Variants in DNAH11 observed in about 807,000 individuals in gnomAD.
The protein encoded by DNAH11 is dynein axonemal heavy chain 11.
A neutral mutation model predicts 526.0 loss-of-function variants in DNAH11; 442 were observed. The ratio of observed to expected loss-of-function variants is 0.84; its 90% CI spans 0.78 to 0.91. DNAH11 has a LOEUF of 0.91. Ranked by LOEUF, DNAH11 falls within the 40% of genes least tolerant of loss-of-function variation. DNAH11 has a pLI of 0.00. For missense variants in DNAH11, 6,989 were observed against 5,448.7 expected (o/e 1.28, Z -8.90); for synonymous variants, 2,461 against 1,935.9 (o/e 1.27, Z -7.12).
Position 21,704,623 on chromosome 7 carries a change from C to T in DNAH11, c.6463C>T (p.Leu2155Phe), listed in dbSNP as rs1784195701. The T allele has an allele frequency of 1.9e-6, 3 of 1,591,128 alleles. No individual in the cohort carries two copies. The highest frequency in any genetic ancestry group is 1.7e-4 in the Middle Eastern group (1 of 5,944). The change falls in exon 38 of 82, where the codon CTC (leucine) becomes TTC (phenylalanine). Residue 2155 changes from leucine to phenylalanine, a missense_variant. Physicochemically the swap from Leu to Phe is conservative, Grantham distance 22. Transcript: ENST00000409508. ...LRLQPEESFI[L>F]KVVQLEELLA... ...CCTGCAGCCTGAAGAGAGCTTCATC[C>T]TCAAAGTAAAAGGAGCATTTGCTTT...
chr7:21,871,922 A>G (rs980473144), intron 73 of DNAH11, among the ~76,000 whole-genome samples: 2 of 151,852 alleles, frequency 1.3e-5, no homozygotes, highest in South Asian at 4.2e-4. Flanking sequence ...GGAGATCGAG[A>G]CCATCCTGGC....
chr7:21,821,512 A>G (rs940297135), intron 65 of DNAH11, among the ~76,000 whole-genome samples: 8 of 152,098 alleles, frequency 5.3e-5, no homozygotes, highest in African/African-American at 1.9e-4. Context: ...TGCATACCTT[A>G]TCGCTATATG....
At chr7:21,554,170 ATTTTT>A (rs746086141) in intron 2 of DNAH11, among the ~76,000 whole-genome samples, 57 of 110,352 alleles carry the variant, frequency 5.2e-4, no homozygotes, top group African/African-American at 1.8e-3. Context: ...GTTCTCTGGG[ATTTTT>A]TTTTTTTTTT....
chr7:21,737,044 G>A (rs1043590572), intron 46 of DNAH11, among the ~76,000 whole-genome samples: 5 of 152,150 alleles, frequency 3.3e-5, no homozygotes, highest in Admixed American at 2.6e-4. Context: ...GCATGAATAC[G>A]ATTTAGAGAT....
chr7:21,809,920 A>T (rs1789435158), intron 63 of DNAH11, among the ~76,000 whole-genome samples: 1 of 152,144 alleles, frequency 6.6e-6, no homozygotes, highest in Admixed American at 6.5e-5. Context: ...TATTTTAGTG[A>T]TGGTTTCAAC....
intron 61 of DNAH11, among the ~76,000 whole-genome samples, chr7:21,798,853 T>C (rs1283634669): frequency 6.6e-6 from 1 of 152,034 alleles, no homozygotes; most frequent in Non-Finnish European, 1.5e-5. Flanking sequence ...TAATTATTTT[T>C]GTTTTGTTAA....
intron 30 of DNAH11, among the ~76,000 whole-genome samples, chr7:21,675,658 C>T (rs1782845770): frequency 6.6e-6 from 1 of 152,222 alleles, no homozygotes; most frequent in South Asian, 2.1e-4. Context: ...TTGTTGCTGT[C>T]GTTCGTTTGT....
At chr7:21,695,683 C>T (rs12670799) in intron 35 of DNAH11, among the ~76,000 whole-genome samples, 14,876 of 152,232 alleles carry the variant, frequency 0.098, 826 homozygotes, top group East Asian at 0.2. Context: ...TAGGCATGGA[C>T]AAAGACTTCA....
At chr7:21,587,677 A>T (rs1293226439) in intron 9 of DNAH11, among the ~76,000 whole-genome samples, 1 of 152,142 alleles carries the variant, frequency 6.6e-6, no homozygotes, top group Non-Finnish European at 1.5e-5. Flanking sequence ...GGATATATGG[A>T]TATTTATATC....
At chr7:21,726,470 TC>T (rs1230230745) in intron 45 of DNAH11, among the ~76,000 whole-genome samples, 3 of 93,004 alleles carry the variant, frequency 3.2e-5, no homozygotes, top group Non-Finnish European at 6.8e-5. Flanking sequence ...AAAAAAAAAG[TC>T]TTTTTTTTTT....
chr7:21,618,954 A>T, intron 23 of DNAH11, 146 bp from the exon 24 acceptor site: 1 of 1,060,064 alleles, frequency 9.4e-7, no homozygotes, highest in Non-Finnish European at 1.4e-6. Flanking sequence ...GGAGTGTCTT[A>T]GATTCTCCAC....
chr7:21,758,465 G>A (rs1786732826), intron 54 of DNAH11, among the ~76,000 whole-genome samples: 1 of 152,028 alleles, frequency 6.6e-6, no homozygotes, highest in Non-Finnish European at 1.5e-5. Context: ...TGTACTGAGT[G>A]CCCGTGATGT....
chr7:21,729,378 G>A (rs958094485), intron 45 of DNAH11, among the ~76,000 whole-genome samples: 2 of 152,142 alleles, frequency 1.3e-5, no homozygotes, highest in Admixed American at 6.5e-5. Flanking sequence ...TTATGGAGTC[G>A]TTGTCTGGCC....
Position 21,617,613 on chromosome 7 carries a change from C to G in DNAH11, c.4096-6C>G. 6.2e-7 allele frequency: 1 copy of G among 1,613,508 alleles called. No homozygotes were observed. Among genetic ancestry groups the G allele is most frequent in the Non-Finnish European group, 8.5e-7 (1 of 1,179,684 alleles). On this transcript the variant is annotated splice_region_variant and splice_polypyrimidine_tract_variant and intron_variant, in intron 22 of 81. Coordinates refer to ENST00000409508, the MANE Select transcript of DNAH11 (RefSeq NM_001277115.2). Reference sequence around the variant, plus strand: ...GAGCTAGGTTTTTTCCTCCACTTTTCTTTAGGAAATTTGGTCACTCAACAA... The same window carrying G: ...GAGCTAGGTTTTTTCCTCCACTTTTGTTTAGGAAATTTGGTCACTCAACAA...
At chr7:21,722,877 T>A (rs1269482236) in intron 44 of DNAH11, among the ~76,000 whole-genome samples, 1 of 152,176 alleles carries the variant, frequency 6.6e-6, no homozygotes, top group Non-Finnish European at 1.5e-5. Context: ...GGTGGGATGT[T>A]GATAGCGGAC....
chr7:21,611,147 A>G (rs1215189619), intron 20 of DNAH11, among the ~76,000 whole-genome samples: 1 of 152,190 alleles, frequency 6.6e-6, no homozygotes, highest in East Asian at 1.9e-4. Flanking sequence ...GGGGGCCCAG[A>G]TAGAAGAAAA....
In DNAH11 at chr7:21,559,757, A is replaced by G. The variant is rs368102189; in HGVS notation, c.847A>G (p.Met283Val). 1.8e-5 allele frequency: 29 copies of G among 1,606,190 alleles called. No homozygotes were observed. The highest frequency in any genetic ancestry group is 1.0e-4 in the Admixed American group (6 of 58,990). Residue 283 changes from methionine (M) to valine (V), a missense_variant, in exon 4 of 82, where the codon ATG (methionine) becomes GTG (valine). Physicochemically the swap from Met to Val is conservative, Grantham distance 21. Transcript: ENST00000409508. ...SPQAELDFWM[M>V]RRENLSCIYD... Reference sequence around the variant, plus strand: ...TCAAGCAGAACTAGATTTCTGGATGATGAGGAGAGAAAATCTGTCATGCAT... The same window carrying G: ...TCAAGCAGAACTAGATTTCTGGATGGTGAGGAGAGAAAATCTGTCATGCAT...
intron 79 of DNAH11, among the ~76,000 whole-genome samples, chr7:21,898,417 A>C (rs958235408): frequency 1.3e-5 from 2 of 152,290 alleles, no homozygotes; most frequent in South Asian, 4.2e-4. Context: ...TCAGGCAGAC[A>C]TGTTCTGCCA....
intron 35 of DNAH11, among the ~76,000 whole-genome samples, chr7:21,691,883 C>T (rs980320532): frequency 1.3e-5 from 2 of 152,046 alleles, no homozygotes; most frequent in African/African-American, 4.8e-5. Flanking sequence ...AACTTCTATT[C>T]ACATGAAAAA....
Sources: allele counts gnomAD v4.1 joint callset (sites outside exome capture counted in the v4.1 genomes callset), GRCh38; gene constraint gnomAD v4.1.1; transcripts MANE v1.5; gene names NCBI Gene and HGNC (gene_info 2026-07-23, HGNC 2026-07-21).